PRR5: variants seen among roughly 807,000 people sequenced by gnomAD.
The protein encoded by PRR5 is proline-rich protein 5.
Under a neutral mutation model 30.6 loss-of-function variants are expected in PRR5, and 25 were observed. The observed-to-expected ratio is 0.82, with a 90% confidence interval of 0.60 to 1.14. The LOEUF (loss-of-function observed/expected upper bound fraction) is 1.14, where lower values mean the gene tolerates loss of function less well. Ranked by LOEUF, PRR5 falls within the 50% of genes most tolerant of loss-of-function variation. PRR5 has a pLI of 0.00. For missense variants in PRR5, 600 were observed against 547.1 expected, an observed-to-expected ratio of 1.10 and a Z score of -0.96; for synonymous variants, 286 against 247.1, an observed-to-expected ratio of 1.16 and a Z score of -1.48.
At chr22:44,717,083 T>C (rs9626532) in intron 2 of PRR5, among the ~76,000 whole-genome samples, 30,799 of 151,842 alleles carry the variant, frequency 0.2, 4,139 homozygotes, top group African/African-American at 0.38. Context: ...AATGAAAGGA[T>C]TTTAATTATA....
chr22:44,734,098 C>T (rs1486443960), intron 6 of PRR5: 1 of 152,174 alleles, frequency 6.6e-6, no homozygotes, highest in East Asian at 1.9e-4. Flanking sequence ...ATGGCGAAAC[C>T]CCGTCTCTAC....
At chr22:44,733,745 G>A (rs531482093) in intron 6 of PRR5, among the ~76,000 whole-genome samples, 1 of 152,294 alleles carries the variant, frequency 6.6e-6, no homozygotes, top group South Asian at 2.1e-4. Flanking sequence ...CCCTGTGTTA[G>A]TGTAGGTGAC....
rs938347576 is a variant in PRR5, at chr22:44,710,292, C to T, written c.135-4299C>T. Among the ~76,000 whole-genome samples the T allele has an allele frequency of 2.1e-4, 31 of 148,406 alleles. No individual in the cohort carries two copies. In the South Asian group the frequency reaches 4.0e-3, roughly 19 times the overall value. On this transcript the variant is annotated intron_variant, in intron 1 of 7. Transcript: ENST00000336985. ...CTTCTCTCCCTCACCTGCACCCCCC[C>T]CCCAGCGCTCAGGAGGGGCTGGCCC...
chr22:44,702,576 G>GCGCCGGGCCTGCGCCAA lies in PRR5; in HGVS notation c.107_123dup (p.Thr42GlyfsTer15). On this transcript the variant is annotated frameshift_variant, in exon 1 of 8. Coordinates refer to ENST00000336985, the MANE Select transcript of PRR5 (RefSeq NM_181333.4). LOFTEE classifies it high-confidence loss of function. ...CCGCGGACGAGCGGGGCACGCAGCA[G>GCGCCGGGCCTGCGCCAA]CGCCGGGCCTGCGCCAACGCCACCT... The GCGCCGGGCCTGCGCCAA allele has an allele frequency of 5.0e-6, 7 of 1,401,994 alleles. No individual in the cohort carries two copies. The highest frequency in any genetic ancestry group is 6.5e-6 in the Non-Finnish European group (7 of 1,075,928). 86.8% of individuals were successfully genotyped at this position (1,401,994 alleles called of 1,614,324 possible). A position where few individuals can be genotyped will look rare whatever the true frequency, so the allele number is the denominator to read the frequency against.
intron 1 of PRR5, among the ~76,000 whole-genome samples, chr22:44,670,129 G>C (rs1430511637): frequency 6.6e-6 from 1 of 152,182 alleles, no homozygotes; most frequent in Non-Finnish European, 1.5e-5. Context: ...ATCGGATGAG[G>C]GGGACAAAGT....
At chr22:44,716,579 G>A (rs187545458) in intron 2 of PRR5, among the ~76,000 whole-genome samples, 25 of 152,280 alleles carry the variant, frequency 1.6e-4, no homozygotes, top group Non-Finnish European at 1.8e-4. Context: ...CAGCCCTGAG[G>A]AGTAGATGCC....
chr22:44,689,009 G>A (rs1019900527), intron 1 of PRR5, among the ~76,000 whole-genome samples: 1 of 152,078 alleles, frequency 6.6e-6, no homozygotes, highest in Non-Finnish European at 1.5e-5. Flanking sequence ...ATCTTAAGGA[G>A]AATTGTAATA....
intron 4 of PRR5, chr22:44,730,425 T>C: frequency 2.0e-6 from 2 of 985,382 alleles, no homozygotes; most frequent in Non-Finnish European, 2.4e-6. Context: ...CCAGCTCCGC[T>C]CAGTCCAGGC....
intron 1 of PRR5, among the ~76,000 whole-genome samples, chr22:44,703,406 C>G (rs1251829813): frequency 6.6e-6 from 1 of 151,686 alleles, no homozygotes; most frequent in African/African-American, 2.4e-5. Context: ...GCAGTAAAAT[C>G]TTGCCAGATG....
intron 1 of PRR5, among the ~76,000 whole-genome samples, chr22:44,672,019 T>G (rs1923456807): frequency 6.6e-6 from 1 of 152,250 alleles, no homozygotes; most frequent in African/African-American, 2.4e-5. Context: ...GCTGTGGTCT[T>G]GTAGTGTCGT....
intron 4 of PRR5, chr22:44,730,337 G>C (rs541763636): frequency 3.0e-5 from 30 of 984,996 alleles, no homozygotes; most frequent in Non-Finnish European, 3.5e-5. Context: ...CCAGTTGTTC[G>C]TCTGGCTTCC....
At chr22:44,728,231 C>G (rs1274257197) in intron 4 of PRR5, among the ~76,000 whole-genome samples, 2 of 152,232 alleles carry the variant, frequency 1.3e-5, no homozygotes, top group African/African-American at 4.8e-5. Context: ...GGGACAGGCA[C>G]TGGGCTCTAC....
intron 1 of PRR5, among the ~76,000 whole-genome samples, chr22:44,670,799 G>A (rs555827127): frequency 5.3e-5 from 8 of 152,154 alleles, no homozygotes; most frequent in Admixed American, 2.0e-4. Flanking sequence ...TCCTGCTCAC[G>A]CCCAGTAAGT....
chr22:44,709,835 G>A (rs775798590), intron 1 of PRR5, among the ~76,000 whole-genome samples: 10 of 152,090 alleles, frequency 6.6e-5, no homozygotes, highest in Non-Finnish European at 1.3e-4. Flanking sequence ...CTAGGTGACA[G>A]AACGAGACTC....
intron 2 of PRR5, among the ~76,000 whole-genome samples, chr22:44,715,896 C>T (rs1305862217): frequency 2.0e-5 from 3 of 152,234 alleles, no homozygotes; most frequent in East Asian, 3.8e-4. Flanking sequence ...CATCCTCCCA[C>T]CTCCAGCCTC....
chr22:44,714,885 T>C (rs1077165), intron 2 of PRR5, among the ~76,000 whole-genome samples: 19,238 of 152,250 alleles, frequency 0.13, 1,322 homozygotes, highest in Admixed American at 0.2. Flanking sequence ...ATGACCTCCA[T>C]AAACCACTTC....
intron 1 of PRR5, among the ~76,000 whole-genome samples, chr22:44,688,485 A>G (rs1347557233): frequency 6.6e-6 from 1 of 152,202 alleles, no homozygotes; most frequent in African/African-American, 2.4e-5. Context: ...CAGACTGCTT[A>G]GGCTTGGAAC....
chr22:44,734,868 A>C, intron 6 of PRR5, 159 bp from the exon 7 acceptor site: 2 of 986,134 alleles, frequency 2.0e-6, no homozygotes, highest in Non-Finnish European at 3.0e-6. Flanking sequence ...AGGGGCTGGG[A>C]GGCCACCGTG....
At chr22:44,688,258 C>T (rs562907601) in intron 1 of PRR5, among the ~76,000 whole-genome samples, 132 of 152,018 alleles carry the variant, frequency 8.7e-4, no homozygotes, top group Non-Finnish European at 1.5e-3. Context: ...GTGGTGCACC[C>T]CTGTAGTCCC....
Sources: gnomAD v4.1 joint callset for allele counts (sites outside exome capture counted in the v4.1 genomes callset) on GRCh38, gnomAD v4.1.1 for gene constraint, MANE v1.5 for transcripts, NCBI Gene and HGNC (gene_info 2026-07-23, HGNC 2026-07-21) for gene names.